Variants in NEK10 observed in about 807,000 individuals in gnomAD.
NEK10 encodes the protein serine/threonine-protein kinase Nek10.
Under a neutral mutation model 159.8 loss-of-function variants are expected in NEK10, and 122 were observed. That is an observed-to-expected ratio of 0.76 (90% CI 0.66 to 0.89). The LOEUF is 0.89. Ranked by LOEUF, NEK10 falls within the 40% of genes least tolerant of loss-of-function variation. The pLI, the probability that NEK10 is intolerant of heterozygous loss-of-function variation, is 0.00. For synonymous variants in NEK10, 466 were observed against 457.1 expected (o/e 1.02, Z -0.25); for missense variants, 1,342 against 1,323.1 (o/e 1.01, Z -0.22).
At chr3:27,206,255 G>A (rs185319651) in intron 23 of NEK10, among the ~76,000 whole-genome samples, 2 of 152,160 alleles carry the variant, frequency 1.3e-5, no homozygotes, top group Non-Finnish European at 2.9e-5. Flanking sequence ...CTAGTGACTA[G>A]TAGAAGTACT....
chr3:27,166,600 G>A (rs9819568), intron 29 of NEK10, among the ~76,000 whole-genome samples: 7 of 152,140 alleles, frequency 4.6e-5, no homozygotes, highest in Non-Finnish European at 1.0e-4. Flanking sequence ...GAAAATACAC[G>A]AGGTCTTTCC....
intron 32 of NEK10, among the ~76,000 whole-genome samples, chr3:27,130,033 C>G (rs1942427938): frequency 6.6e-6 from 1 of 152,036 alleles, no homozygotes; most frequent in Admixed American, 6.6e-5. Flanking sequence ...AGGTATCATC[C>G]AACTTCATGG....
intron 25 of NEK10, among the ~76,000 whole-genome samples, 168 bp downstream of exon 25, chr3:27,201,342 T>C (rs763927644): frequency 1.3e-5 from 2 of 152,210 alleles, no homozygotes; most frequent in Non-Finnish European, 2.9e-5. Flanking sequence ...GACACTTAAG[T>C]AGCATCCAAA....
rs36101281 is a variant in NEK10, at chr3:27,286,545, C to CTTTTTTT, written c.1789+1146_1789+1152dup. On this transcript the variant is annotated intron_variant, in intron 20 of 35. Transcript: ENST00000691995. ...TACAGGCGCCTGCCACCACGCCCAG[C>CTTTTTTT]TTTTTTTTTTTTTTTTTTTTTTTAA... 1.7e-3 allele frequency among the ~76,000 whole-genome samples: 112 copies of CTTTTTTT among 65,018 alleles called. 16 individuals carry two copies. The highest frequency in any genetic ancestry group is 8.0e-3 in the African/African-American group (90 of 11,226). The allele number at this position is 65,018 out of a possible 152,430, so 42.7% of individuals were successfully genotyped here. A position where few individuals can be genotyped will look rare whatever the true frequency, so the allele number is the denominator to read the frequency against.
chr3:27,198,731 A>G (rs186964547), intron 25 of NEK10, among the ~76,000 whole-genome samples: 220 of 152,302 alleles, frequency 1.4e-3, no homozygotes, highest in African/African-American at 5.1e-3. Flanking sequence ...CATTCAGAAC[A>G]TAGGCACAGG....
At chr3:27,165,321 T>A (rs1305687968) in intron 29 of NEK10, among the ~76,000 whole-genome samples, 3 of 152,232 alleles carry the variant, frequency 2.0e-5, no homozygotes, top group Non-Finnish European at 4.4e-5. Context: ...CTTTTAACTA[T>A]GCAATTGTTG....
At chr3:27,231,873 AC>A (rs1953317200) in intron 23 of NEK10, among the ~76,000 whole-genome samples, 1 of 151,910 alleles carries the variant, frequency 6.6e-6, no homozygotes, top group Non-Finnish European at 1.5e-5. Flanking sequence ...AAAAGCCAGG[AC>A]AAGACAGATT....
chr3:27,209,022 C>A (rs1300485053), intron 23 of NEK10, among the ~76,000 whole-genome samples: 1 of 152,152 alleles, frequency 6.6e-6, no homozygotes, highest in Non-Finnish European at 1.5e-5. Flanking sequence ...TACTATGCCA[C>A]TAAAAGAAAT....
intron 30 of NEK10, among the ~76,000 whole-genome samples, chr3:27,153,381 C>CAATT (rs1165953737): frequency 3.3e-5 from 5 of 149,998 alleles, no homozygotes; most frequent in Non-Finnish European, 7.4e-5. Flanking sequence ...TCCACTGACA[C>CAATT]AATTAGACAG....
At chr3:27,257,662 G>A (rs949684942) in intron 22 of NEK10, among the ~76,000 whole-genome samples, 1 of 152,096 alleles carries the variant, frequency 6.6e-6, no homozygotes, top group Non-Finnish European at 1.5e-5. Flanking sequence ...CATTAGTATA[G>A]CTTAGTGCTT....
chr3:27,191,981 A>G, intron 26 of NEK10, 48 bp downstream of exon 26: 1 of 1,527,450 alleles, frequency 6.5e-7, no homozygotes. Context: ...ACAACTTCAG[A>G]CAGCCCATTA....
At chr3:27,329,701 C>A (rs1228155701) in intron 5 of NEK10, among the ~76,000 whole-genome samples, 2 of 152,118 alleles carry the variant, frequency 1.3e-5, no homozygotes, top group Non-Finnish European at 2.9e-5. Context: ...CTGGTGCACA[C>A]CTAAAACAAA....
intron 5 of NEK10, among the ~76,000 whole-genome samples, chr3:27,340,473 A>G (rs2047125389): frequency 6.6e-6 from 1 of 152,194 alleles, no homozygotes; most frequent in East Asian, 1.9e-4. Flanking sequence ...ATGTATACCT[A>G]TGTAACAAAC....
intron 22 of NEK10, among the ~76,000 whole-genome samples, chr3:27,279,972 A>G (rs1161088895): frequency 6.6e-6 from 1 of 152,048 alleles, no homozygotes; most frequent in Non-Finnish European, 1.5e-5. Flanking sequence ...GATCGAGACC[A>G]TCCTGGCCAA....
intron 22 of NEK10, among the ~76,000 whole-genome samples, chr3:27,258,259 G>A (rs1253230272): frequency 1.3e-5 from 2 of 152,022 alleles, no homozygotes; most frequent in Non-Finnish European, 2.9e-5. Flanking sequence ...TAGGGTACAT[G>A]TGCACAACGT....
At chr3:27,239,245 A>T (rs1258840212) in intron 23 of NEK10, among the ~76,000 whole-genome samples, 1 of 152,252 alleles carries the variant, frequency 6.6e-6, no homozygotes, top group Non-Finnish European at 1.5e-5. Flanking sequence ...GAAAGAATGT[A>T]AAACTTCCTG....
intron 31 of NEK10, among the ~76,000 whole-genome samples, chr3:27,140,902 T>C (rs750762363): frequency 1.2e-4 from 18 of 152,150 alleles, no homozygotes; most frequent in Non-Finnish European, 2.2e-4. Flanking sequence ...CACTTCTTTG[T>C]CTAAAAAAAA....
intron 23 of NEK10, among the ~76,000 whole-genome samples, chr3:27,217,874 C>T (rs1951690737): frequency 6.6e-6 from 1 of 152,150 alleles, no homozygotes; most frequent in Non-Finnish European, 1.5e-5. Context: ...AAACCCTATA[C>T]AAACTTTTTT....
At chr3:27,233,877 A>G (rs1040696906) in intron 23 of NEK10, among the ~76,000 whole-genome samples, 2 of 152,102 alleles carry the variant, frequency 1.3e-5, no homozygotes, top group African/African-American at 4.8e-5. Context: ...TCAACAAAAT[A>G]CTGGCAAACT....
Sources: allele counts gnomAD v4.1 joint callset (sites outside exome capture counted in the v4.1 genomes callset), GRCh38; gene constraint gnomAD v4.1.1; transcripts MANE v1.5; gene names NCBI Gene and HGNC (gene_info 2026-07-23, HGNC 2026-07-21).